Variants in EFCAB7 observed in about 807,000 individuals in gnomAD.
EFCAB7 encodes the protein EF-hand calcium-binding domain-containing protein 7.
Under a neutral mutation model 77.1 loss-of-function variants are expected in EFCAB7, and 66 were observed. The ratio of observed to expected loss-of-function variants is 0.86; its 90% CI spans 0.70 to 1.05. EFCAB7 has a LOEUF of 1.05. EFCAB7 is among the 50% of genes least tolerant of loss of function. The probability of loss-of-function intolerance (pLI) is 0.00; values close to 1 mark genes in which losing one functional copy is unlikely to be tolerated. For missense variants in EFCAB7, 638 were observed against 730.5 expected (o/e 0.87, Z 1.46); for synonymous variants, 225 against 243.3 (o/e 0.92, Z 0.70).
intron 11 of EFCAB7, among the ~76,000 whole-genome samples, chr1:63,564,497 G>A (rs1277317517): frequency 6.6e-6 from 1 of 152,084 alleles, no homozygotes; most frequent in Admixed American, 6.6e-5. Context: ...GGAGTACAGT[G>A]AACAAGGGAG....
chr1:63,578,475 T>G, the EFCAB7 span, among the ~76,000 whole-genome samples: 1 of 148,320 alleles, frequency 6.7e-6, no homozygotes, highest in African/African-American at 2.5e-5. Context: ...ACAGTCTCGC[T>G]CTGTCATCCA....
At chr1:63,540,820 G>A (rs1646819354) in intron 6 of EFCAB7, among the ~76,000 whole-genome samples, 1 of 151,876 alleles carries the variant, frequency 6.6e-6, no homozygotes, top group East Asian at 1.9e-4. Flanking sequence ...GAAAGCTTGA[G>A]TATAGTTCAG....
Position 63,532,735 on chromosome 1 carries a change from T to G in EFCAB7, c.465T>G (p.Asp155Glu). 1 of 1,608,124 alleles carries G rather than the reference T, an allele frequency of 6.2e-7. No homozygotes were observed. Among genetic ancestry groups the G allele is most frequent in the Non-Finnish European group, 8.5e-7 (1 of 1,177,530 alleles). ...AIINLADVNA[D>E]GKFDYIKFCK... ...TAAATTTGGCTGATGTAAATGCTGA[T>G]GGCAAATTTGACTACATCAAGGTAC... is the stretch of plus-strand genomic sequence containing the variant. The change falls in exon 4 of 14, where the codon GAT (aspartate) becomes GAG (glutamate). Residue 155 changes from aspartate (D) to glutamate (E), a missense_variant. Asp to Glu is a conservative substitution (Grantham distance 45, BLOSUM62 2). Coordinates refer to ENST00000371088, the MANE Select transcript of EFCAB7 (RefSeq NM_032437.4).
At chr1:63,579,088 G>A in the EFCAB7 span, among the ~76,000 whole-genome samples, 1 of 151,450 alleles carries the variant, frequency 6.6e-6, no homozygotes, top group Non-Finnish European at 1.5e-5. Flanking sequence ...TGGTGGGTTG[G>A]GGGGAAGCTT....
the EFCAB7 span, among the ~76,000 whole-genome samples, chr1:63,584,515 A>G: frequency 0.61 from 92,047 of 152,070 alleles, 29,613 homozygotes; most frequent in African/African-American, 0.82. Flanking sequence ...TTGCACCACC[A>G]CAATCCAGCC....
intron 11 of EFCAB7, among the ~76,000 whole-genome samples, chr1:63,567,405 A>C (rs753918163): frequency 2.6e-5 from 4 of 152,030 alleles, no homozygotes; most frequent in Non-Finnish European, 4.4e-5. Context: ...GTGAACTGAG[A>C]TCACCCAACT....
intron 7 of EFCAB7, chr1:63,548,998 A>G (rs564866653): frequency 5.6e-6 from 1 of 177,534 alleles, no homozygotes; most frequent in African/African-American, 2.4e-5. Flanking sequence ...TCATCAATCT[A>G]GCGGAAGAGA....
At chr1:63,544,823 A>C (rs1351927286) in intron 6 of EFCAB7, among the ~76,000 whole-genome samples, 1 of 152,028 alleles carries the variant, frequency 6.6e-6, no homozygotes, top group Non-Finnish European at 1.5e-5. Context: ...AGCAATCCTT[A>C]ATTCTTCCTT....
At chr1:63,536,661 G>A (rs1195794897) in intron 6 of EFCAB7, 3 of 152,150 alleles carry the variant, frequency 2.0e-5, no homozygotes, top group African/African-American at 2.4e-5. Context: ...GATTACAGAT[G>A]TGAGCCACCA....
chr1:63,570,974 A>G (rs754426520), intron 12 of EFCAB7, 47 bp from the exon 13 acceptor site: 34 of 1,360,178 alleles, frequency 2.5e-5, no homozygotes, highest in Admixed American at 3.9e-5. Flanking sequence ...ATTTGTCTGT[A>G]ATTATTAAAG....
intron 11 of EFCAB7, among the ~76,000 whole-genome samples, chr1:63,567,480 G>A (rs1329712606): frequency 6.6e-6 from 1 of 152,086 alleles, no homozygotes; most frequent in African/African-American, 2.4e-5. Context: ...TTTCAAAGGT[G>A]TTTTGAAACA....
At chr1:63,582,338 G>T in the EFCAB7 span, among the ~76,000 whole-genome samples, 2 of 152,198 alleles carry the variant, frequency 1.3e-5, no homozygotes, top group Non-Finnish European at 1.5e-5. Context: ...ATGCATTGTG[G>T]ATTGAGGTTT....
At chr1:63,571,155 CT>C in intron 13 of EFCAB7, 27 bp downstream of exon 13, 1 of 1,536,884 alleles carries the variant, frequency 6.5e-7, no homozygotes, top group Non-Finnish European at 8.9e-7. Flanking sequence ...TAATTAAAGC[CT>C]TTTGTTTTAT....
the EFCAB7 span, among the ~76,000 whole-genome samples, chr1:63,582,093 G>GCTGTGATGCTAAA: frequency 1.3e-5 from 2 of 152,322 alleles, no homozygotes; most frequent in East Asian, 3.9e-4. Context: ...AACACTGCAT[G>GCTGTGATGCTAAA]CTGTGATGCT....
chr1:63,564,153 G>A (rs906768436), intron 11 of EFCAB7, among the ~76,000 whole-genome samples: 4 of 152,092 alleles, frequency 2.6e-5, no homozygotes, highest in Admixed American at 1.3e-4. Flanking sequence ...CCATAATCTA[G>A]GTTTTATTAT....
At chr1:63,523,930 A>G (rs1481484982) in intron 1 of EFCAB7, among the ~76,000 whole-genome samples, 1 of 151,662 alleles carries the variant, frequency 6.6e-6, no homozygotes. Context: ...TTTTCTTGCT[A>G]TTGTGTGGCT....
At chr1:63,547,862 A>G (rs1646918118) in intron 7 of EFCAB7, 1 of 152,238 alleles carries the variant, frequency 6.6e-6, no homozygotes, top group African/African-American at 2.4e-5. Flanking sequence ...TCTTGGCACA[A>G]TAGGATCTCC....
the EFCAB7 span, among the ~76,000 whole-genome samples, chr1:63,582,404 T>C: frequency 3.9e-5 from 6 of 152,214 alleles, no homozygotes; most frequent in African/African-American, 1.4e-4. Context: ...AGGACCATTG[T>C]AAAAACAGAA....
chr1:63,527,578 A>C (rs1486085207), intron 2 of EFCAB7, among the ~76,000 whole-genome samples: 8 of 152,182 alleles, frequency 5.3e-5, no homozygotes, highest in Non-Finnish European at 1.2e-4. Flanking sequence ...AAAGATCCAT[A>C]TCATGGTGTC....
Sources: gnomAD v4.1 joint callset for allele counts (sites outside exome capture counted in the v4.1 genomes callset) on GRCh38, gnomAD v4.1.1 for gene constraint, MANE v1.5 for transcripts, NCBI Gene and HGNC (gene_info 2026-07-23, HGNC 2026-07-21) for gene names.